MIPOL1: variants seen among roughly 807,000 people sequenced by gnomAD.
The protein encoded by MIPOL1 is mirror-image polydactyly 1.
Under a neutral mutation model 60.9 loss-of-function variants are expected in MIPOL1, and 57 were observed. The observed-to-expected ratio is 0.94, with a 90% CI of 0.76 to 1.17. The LOEUF is 1.17. Among genes scored for constraint, MIPOL1 ranks in the 50% most tolerant of loss-of-function variants. MIPOL1 has a pLI of 0.00. For missense variants in MIPOL1, 551 were observed against 511.6 expected (o/e 1.08, Z -0.74); for synonymous variants, 179 against 168.8 (o/e 1.06, Z -0.47).
At chr14:37,433,789 C>G (rs2153560721) in intron 11 of MIPOL1, among the ~76,000 whole-genome samples, 1 of 152,218 alleles carries the variant, frequency 6.6e-6, no homozygotes, top group Middle Eastern at 3.4e-3. Context: ...CTCCTTATCT[C>G]AGGTGATCCA....
At chr14:37,250,964 CTTTG>C (rs1248466292) in intron 3 of MIPOL1, among the ~76,000 whole-genome samples, 2 of 151,846 alleles carry the variant, frequency 1.3e-5, no homozygotes, top group African/African-American at 4.8e-5. Context: ...TTATGTTTTT[CTTTG>C]TTTTTGTCAT....
At chr14:37,259,852 G>A (rs528823567) in intron 3 of MIPOL1, among the ~76,000 whole-genome samples, 12 of 152,210 alleles carry the variant, frequency 7.9e-5, no homozygotes, top group Non-Finnish European at 1.3e-4. Flanking sequence ...CTTTTGGATA[G>A]TGCTGATCTA....
chr14:37,295,860 C>A (rs1311258977), intron 7 of MIPOL1, among the ~76,000 whole-genome samples: 1 of 152,160 alleles, frequency 6.6e-6, no homozygotes, highest in Non-Finnish European at 1.5e-5. Flanking sequence ...TCATGGGAGA[C>A]TTTAACACCC....
rs558991654 is a variant in MIPOL1 at position 37,225,365 on chromosome 14, T to A, written c.-198-21738T>A. Among the ~76,000 whole-genome samples, 16 of 152,352 alleles carry A rather than the reference T, an allele frequency of 1.1e-4. No homozygotes were observed. In the South Asian group the frequency reaches 3.1e-3, roughly 30 times the overall value. The stretch of plus-strand genomic sequence containing the variant: ...ATGAGGGCCCCACCCTGCCGCAAAC[T>A]TCTGCCTGGACATCCAGGCATTTCC... On this transcript the variant is annotated intron_variant, in intron 1 of 12. Transcript: ENST00000684589.
intron 9 of MIPOL1, among the ~76,000 whole-genome samples, chr14:37,342,435 TC>T (rs2153463282): frequency 6.6e-6 from 1 of 151,732 alleles, no homozygotes; most frequent in East Asian, 2.0e-4. Flanking sequence ...TCTCGCTCTG[TC>T]ACCCGGGCTG....
At chr14:37,264,862 G>T (rs546064218) in intron 3 of MIPOL1, among the ~76,000 whole-genome samples, 1 of 152,114 alleles carries the variant, frequency 6.6e-6, no homozygotes, top group South Asian at 2.1e-4. Flanking sequence ...TTTGATGTTT[G>T]GCTCTCATTT....
chr14:37,527,945 C>CA (rs954827053), intron 12 of MIPOL1, among the ~76,000 whole-genome samples: 1 of 150,742 alleles, frequency 6.6e-6, no homozygotes, highest in African/African-American at 2.4e-5. Context: ...GAGAGTTCAG[C>CA]AAAAAATAAA....
intron 11 of MIPOL1, among the ~76,000 whole-genome samples, chr14:37,462,340 AC>A (rs2094549499): frequency 6.6e-6 from 1 of 151,836 alleles, no homozygotes; most frequent in Admixed American, 6.6e-5. Context: ...CAGCACGGGG[AC>A]CCTGGGGCTG....
chr14:37,215,181 C>A (rs1354756498), intron 1 of MIPOL1, among the ~76,000 whole-genome samples: 1 of 152,118 alleles, frequency 6.6e-6, no homozygotes, highest in Non-Finnish European at 1.5e-5. Context: ...GGAAGGGCCC[C>A]CTGTCCAATG....
At chr14:37,368,213 T>G (rs2092537149) in intron 9 of MIPOL1, among the ~76,000 whole-genome samples, 1 of 152,098 alleles carries the variant, frequency 6.6e-6, no homozygotes, top group South Asian at 2.1e-4. Context: ...TTTTATTTAT[T>G]TTTAAGTGTG....
At chr14:37,222,278 G>C (rs116743173) in intron 1 of MIPOL1, among the ~76,000 whole-genome samples, 2 of 150,896 alleles carry the variant, frequency 1.3e-5, no homozygotes, top group Non-Finnish European at 2.9e-5. Context: ...GCTGGAGTGC[G>C]GTGGCACAAT....
chr14:37,509,336 C>G (rs1448096796), intron 12 of MIPOL1, among the ~76,000 whole-genome samples: 1 of 151,502 alleles, frequency 6.6e-6, no homozygotes, highest in Non-Finnish European at 1.5e-5. Context: ...GTATATATAT[C>G]TATATACACA....
At chr14:37,248,024 A>T in intron 3 of MIPOL1, 117 bp downstream of exon 3, 1 of 929,648 alleles carries the variant, frequency 1.1e-6, no homozygotes, top group Non-Finnish European at 1.7e-6. Flanking sequence ...GTGCGCACAC[A>T]CACACACAAA....
At chr14:37,337,700 G>C (rs1215343229) in intron 9 of MIPOL1, among the ~76,000 whole-genome samples, 1 of 151,804 alleles carries the variant, frequency 6.6e-6, no homozygotes, top group Non-Finnish European at 1.5e-5. Context: ...TGTCTATTGT[G>C]ATTCTTTCCT....
At chr14:37,440,357 T>C (rs775205618) in intron 11 of MIPOL1, among the ~76,000 whole-genome samples, 17 of 152,196 alleles carry the variant, frequency 1.1e-4, no homozygotes, top group Admixed American at 5.9e-4. Flanking sequence ...TAAGGACTTT[T>C]AGGGTATCCA....
At chr14:37,413,823 G>A (rs1018787459) in intron 10 of MIPOL1, among the ~76,000 whole-genome samples, 4 of 152,188 alleles carry the variant, frequency 2.6e-5, no homozygotes, top group African/African-American at 9.7e-5. Flanking sequence ...TTTTTTACTA[G>A]GCTGTTTTAT....
chr14:37,337,914 C>T lies in MIPOL1; in HGVS notation c.828+29395C>T, dbSNP rs180971849. Among the ~76,000 whole-genome samples, 14 of 152,000 alleles carry T rather than the reference C, an allele frequency of 9.2e-5. No homozygotes were observed. The East Asian group carries it at 2.7e-3, about 30-fold the overall frequency. The stretch of plus-strand genomic sequence containing the variant: ...AAATCCAATTTATTTTTTCTTCAGT[C>T]ACTCAAAAGATAAGAAGGCTTTGTC... On this transcript the variant is annotated intron_variant, in intron 9 of 12. Coordinates refer to ENST00000684589, the MANE Select transcript of MIPOL1 (RefSeq NM_001388067.1).
At chr14:37,231,836 T>C (rs1440058884) in intron 1 of MIPOL1, among the ~76,000 whole-genome samples, 1 of 152,140 alleles carries the variant, frequency 6.6e-6, no homozygotes, top group Non-Finnish European at 1.5e-5. Context: ...TCCTAGCACT[T>C]TAGGAGGCTG....
chr14:37,384,732 T>A (rs2153513958), intron 10 of MIPOL1, among the ~76,000 whole-genome samples: 1 of 152,130 alleles, frequency 6.6e-6, no homozygotes, highest in South Asian at 2.1e-4. Context: ...AAAGAATTAA[T>A]TTTTCTTTAG....
Sources: allele counts gnomAD v4.1 joint callset (sites outside exome capture counted in the v4.1 genomes callset), GRCh38; gene constraint gnomAD v4.1.1; transcripts MANE v1.5; gene names NCBI Gene and HGNC (gene_info 2026-07-23, HGNC 2026-07-21).